Variants in EPHB2 observed in about 807,000 individuals in gnomAD.
The protein encoded by EPHB2 is ephrin type-B receptor 2.
Under a neutral mutation model 96.4 loss-of-function variants are expected in EPHB2, and 18 were observed. The ratio of observed to expected loss-of-function variants is 0.19; its 90% CI spans 0.13 to 0.28. The LOEUF is 0.28. Ranked by LOEUF, EPHB2 falls within the 10% of genes least tolerant of loss-of-function variation. EPHB2 has a pLI of 1.00. For missense variants in EPHB2, 989 were observed against 1,355.4 expected, an observed-to-expected ratio of 0.73 and a Z score of 4.25; for synonymous variants, 506 against 534.1, an observed-to-expected ratio of 0.95 and a Z score of 0.72.
intron 3 of EPHB2, among the ~76,000 whole-genome samples, chr1:22,822,791 C>T (rs948126568): frequency 1.3e-5 from 2 of 152,230 alleles, no homozygotes; most frequent in African/African-American, 4.8e-5. Flanking sequence ...GTTTCAGGCC[C>T]AGTGCCCACA....
intron 1 of EPHB2, among the ~76,000 whole-genome samples, chr1:22,762,797 G>A (rs1421254989): frequency 6.6e-6 from 1 of 152,270 alleles, no homozygotes; most frequent in South Asian, 2.1e-4. Flanking sequence ...CTGTGAAATG[G>A]GAGTGTGATG....
At chr1:22,878,807 C>A (rs1289013456) in intron 5 of EPHB2, among the ~76,000 whole-genome samples, 1 of 152,220 alleles carries the variant, frequency 6.6e-6, no homozygotes, top group Non-Finnish European at 1.5e-5. Flanking sequence ...TGGATGGGAG[C>A]GTCTTGACCT....
Position 22,906,288 on chromosome 1 carries a change from C to T in EPHB2, c.1888+179C>T, listed in dbSNP as rs1639912947. Among the ~76,000 whole-genome samples, 1 of 152,118 alleles carries T rather than the reference C, an allele frequency of 6.6e-6. No homozygotes were observed. Among genetic ancestry groups the T allele is most frequent in the African/African-American group, 2.4e-5 (1 of 41,426 alleles). ...GCCCTCAAAGGTCATCCAGTAAAAC[C>T]ACCTCACTGACAAAAGAGGAAACTG... On this transcript the variant is annotated intron_variant, in intron 10 of 15. Coordinates refer to ENST00000374630, the MANE Select transcript of EPHB2 (RefSeq NM_017449.5). This position sits in a 1 kb window ranked among gnomAD's most constrained non-coding sequence, Gnocchi z 4.8.
chr1:22,770,135 GTGAA>G (rs1644358516), intron 1 of EPHB2, among the ~76,000 whole-genome samples: 1 of 152,074 alleles, frequency 6.6e-6, no homozygotes. Flanking sequence ...TGTTGGGTAA[GTGAA>G]TGGATGGGTA....
chr1:22,728,124 G>T (rs147675637), intron 1 of EPHB2, among the ~76,000 whole-genome samples: 1 of 152,136 alleles, frequency 6.6e-6, no homozygotes, highest in African/African-American at 2.4e-5. Flanking sequence ...TCACCTCCCT[G>T]TAAGAATGTA....
chr1:22,784,554 TGCA>T lies in EPHB2; in HGVS notation c.296_298del (p.Ser99del). On this transcript the variant is annotated inframe_deletion, in exon 3 of 16. Coordinates refer to ENST00000374630, the MANE Select transcript of EPHB2 (RefSeq NM_017449.5). This position sits in a 1 kb window ranked among gnomAD's most constrained non-coding sequence, Gnocchi z 5.1. The stretch of plus-strand genomic sequence containing the variant: ...GGAGATGAAGTTTTCGGTGCGTGAC[TGCA>T]GCAGCATCCCCAGCGTGCCTGGCTC... The T allele has an allele frequency of 6.2e-7, 1 of 1,614,204 alleles. No individual in the cohort carries two copies. The highest frequency in any genetic ancestry group is 8.5e-7 in the Non-Finnish European group (1 of 1,180,040).
chr1:22,901,226 G>A (rs75445447), intron 9 of EPHB2, among the ~76,000 whole-genome samples: 1 of 152,270 alleles, frequency 6.6e-6, no homozygotes, highest in East Asian at 1.9e-4. Flanking sequence ...GCCAACTACT[G>A]TACTGAGCCC....
intron 6 of EPHB2, among the ~76,000 whole-genome samples, chr1:22,885,098 G>T (rs1380668239): frequency 1.3e-5 from 2 of 152,114 alleles, no homozygotes; most frequent in South Asian, 4.1e-4. Flanking sequence ...CCCCTCAGTG[G>T]GCCCTGGAGG....
chr1:22,891,575 G>A (rs978073445), intron 6 of EPHB2, among the ~76,000 whole-genome samples: 9 of 152,172 alleles, frequency 5.9e-5, no homozygotes, highest in Non-Finnish European at 1.3e-4. Flanking sequence ...ATGCCTAAAC[G>A]AGCATCATCT....
chr1:22,879,791 T>C (rs1638972293), intron 5 of EPHB2, among the ~76,000 whole-genome samples: 1 of 152,224 alleles, frequency 6.6e-6, no homozygotes, highest in Non-Finnish European at 1.5e-5. Flanking sequence ...TGCCAGGTGC[T>C]ACACTGAGCA....
intron 3 of EPHB2, among the ~76,000 whole-genome samples, chr1:22,803,733 G>T (rs544412192): frequency 1.3e-5 from 2 of 149,260 alleles, no homozygotes; most frequent in South Asian, 4.2e-4. Context: ...ATGTATATGT[G>T]TGTGTGTGTG....
At chr1:22,774,819 T>G (rs576478445) in intron 1 of EPHB2, among the ~76,000 whole-genome samples, 3 of 152,126 alleles carry the variant, frequency 2.0e-5, no homozygotes, top group Non-Finnish European at 4.4e-5. Context: ...GTGTTGAGGG[T>G]ACAGCGGTGA....
chr1:22,724,790 G>A (rs923200076), intron 1 of EPHB2, among the ~76,000 whole-genome samples: 10 of 152,164 alleles, frequency 6.6e-5, no homozygotes. Flanking sequence ...ATAGAGTCCG[G>A]TGGACTTGGA....
chr1:22,802,960 G>A (rs574651553), intron 3 of EPHB2, among the ~76,000 whole-genome samples: 32 of 152,256 alleles, frequency 2.1e-4, no homozygotes, highest in Admixed American at 1.3e-3. Flanking sequence ...TGTGCATGGA[G>A]CAGTAAGGAC....
At chr1:22,848,836 G>A (rs1645581857) in intron 3 of EPHB2, among the ~76,000 whole-genome samples, 1 of 152,112 alleles carries the variant, frequency 6.6e-6, no homozygotes, top group African/African-American at 2.4e-5. Context: ...CCAGGTTTCC[G>A]GGGGATACAG....
At chr1:22,787,696 T>C (rs1276508136) in intron 3 of EPHB2, among the ~76,000 whole-genome samples, 1 of 152,158 alleles carries the variant, frequency 6.6e-6, no homozygotes, top group Non-Finnish European at 1.5e-5. Context: ...TGGGCTATGA[T>C]TATGCCACTG....
chr1:22,758,641 A>G (rs754843348), intron 1 of EPHB2, among the ~76,000 whole-genome samples: 3 of 149,724 alleles, frequency 2.0e-5, no homozygotes, highest in Non-Finnish European at 3.0e-5. Context: ...TCCCAGTGCC[A>G]CCTCTCACAC....
At chr1:22,852,750 C>G (rs1645641552) in intron 3 of EPHB2, among the ~76,000 whole-genome samples, 1 of 152,240 alleles carries the variant, frequency 6.6e-6, no homozygotes, top group Non-Finnish European at 1.5e-5. Flanking sequence ...GTCCCGGTTG[C>G]TCCGGCCTTG....
intron 1 of EPHB2, among the ~76,000 whole-genome samples, chr1:22,778,646 T>C (rs1031711811): frequency 1.3e-5 from 2 of 152,244 alleles, no homozygotes; most frequent in African/African-American, 4.8e-5. Context: ...GCAAACTTCA[T>C]GTCCTTTGCG....
Sources: gnomAD v4.1 joint callset for allele counts (sites outside exome capture counted in the v4.1 genomes callset) on GRCh38, gnomAD v4.1.1 for gene constraint, Gnocchi (gnomAD v3.1) non-coding constraint, MANE v1.5 for transcripts, NCBI Gene and HGNC (gene_info 2026-07-23, HGNC 2026-07-21) for gene names.